Variants in C12orf42 observed in about 807,000 individuals in gnomAD.
C12orf42 encodes uncharacterized protein C12orf42.
C12orf42 carries 25 observed loss-of-function variants against 21.6 expected under a neutral mutation model. The observed-to-expected ratio is 1.16, with a 90% CI of 0.84 to 1.62. The LOEUF (loss-of-function observed/expected upper bound fraction) is 1.62. Ranked by LOEUF, C12orf42 falls within the 40% of genes most tolerant of loss-of-function variation. The pLI, the probability that C12orf42 is intolerant of heterozygous loss-of-function variation, is 0.00. For synonymous variants in C12orf42, 174 were observed against 175.0 expected (o/e 0.99, Z 0.05); for missense variants, 483 against 459.3 (o/e 1.05, Z -0.47).
At chr12:103,097,136 A>C in the C12orf42 span, among the ~76,000 whole-genome samples, 1 of 152,210 alleles carries the variant, frequency 6.6e-6, no homozygotes, top group African/African-American at 2.4e-5. Flanking sequence ...TTAATCTCAG[A>C]TATATATTGA....
chr12:103,095,593 G>A, the C12orf42 span, among the ~76,000 whole-genome samples: 1 of 152,106 alleles, frequency 6.6e-6, no homozygotes, highest in Non-Finnish European at 1.5e-5. Flanking sequence ...TCCCTACAAT[G>A]CATTGCCTTC....
intron 2 of C12orf42, among the ~76,000 whole-genome samples, chr12:103,403,130 C>T (rs1168743989): frequency 1.3e-5 from 2 of 152,112 alleles, no homozygotes; most frequent in African/African-American, 4.8e-5. Flanking sequence ...AATCCCAGCA[C>T]TTTGGGAGGC....
At chr12:103,181,872 G>T in the C12orf42 span, among the ~76,000 whole-genome samples, 3 of 152,166 alleles carry the variant, frequency 2.0e-5, no homozygotes, top group African/African-American at 7.2e-5. Context: ...TTAATAAAAT[G>T]CTAGGCTGAC....
In C12orf42 at chr12:103,345,706, C is replaced by T. The variant is rs889475168; in HGVS notation, c.259+23181G>A. 1.2e-4 allele frequency among the ~76,000 whole-genome samples: 19 copies of T among 152,082 alleles called. 1 individual carries two copies. In the South Asian group the frequency reaches 3.3e-3, roughly 27 times the overall value. On this transcript the variant is annotated intron_variant, in intron 4 of 5. Transcript: ENST00000548883. ...AGGAAAAATAAATAAATAAAAGCAA[C>T]CTAAATGTCCCACAAGGGATAAATG... is the stretch of plus-strand genomic sequence containing the variant.
At chr12:103,484,857 GTTTCA>G (rs1476639624) in intron 1 of C12orf42, among the ~76,000 whole-genome samples, 1 of 139,136 alleles carries the variant, frequency 7.2e-6, no homozygotes, top group Non-Finnish European at 1.5e-5. Context: ...AAGGGATCTG[GTTTCA>G]GTTTTTTTTT....
At chr12:103,368,443 A>T (rs1203424257) in intron 4 of C12orf42, among the ~76,000 whole-genome samples, 2 of 151,916 alleles carry the variant, frequency 1.3e-5, no homozygotes, top group South Asian at 4.1e-4. Context: ...TCTCCCAGCT[A>T]CCTAGATTCC....
At chr12:103,330,091 AAGTATAATT>A (rs1225103322) in intron 4 of C12orf42, among the ~76,000 whole-genome samples, 2 of 152,198 alleles carry the variant, frequency 1.3e-5, no homozygotes, top group Admixed American at 1.3e-4. Context: ...GTATTACATG[AAGTATAATT>A]AGCAAATAAC....
chr12:103,346,269 A>C (rs562262248), intron 4 of C12orf42, among the ~76,000 whole-genome samples: 1 of 152,352 alleles, frequency 6.6e-6, no homozygotes, highest in South Asian at 2.1e-4. Context: ...TACTGCTGTA[A>C]CTAGCAGGTT....
chr12:103,100,080 T>C, the C12orf42 span, among the ~76,000 whole-genome samples: 6 of 152,374 alleles, frequency 3.9e-5, no homozygotes, highest in East Asian at 1.2e-3. Flanking sequence ...CATGTAATTT[T>C]GGTTTTTGCT....
At chr12:103,188,462 T>A in the C12orf42 span, among the ~76,000 whole-genome samples, 1 of 152,162 alleles carries the variant, frequency 6.6e-6, no homozygotes, top group East Asian at 1.9e-4. Flanking sequence ...ATGTGAGGAT[T>A]GGAACCACAG....
At chr12:103,360,638 TC>T (rs1052747176) in intron 4 of C12orf42, among the ~76,000 whole-genome samples, 2 of 147,888 alleles carry the variant, frequency 1.4e-5, no homozygotes, top group African/African-American at 2.4e-5. Flanking sequence ...TTTTCTCTGT[TC>T]CTCCATTGTG....
chr12:103,125,238 A>C, the C12orf42 span, among the ~76,000 whole-genome samples: 1 of 152,126 alleles, frequency 6.6e-6, no homozygotes, highest in African/African-American at 2.4e-5. Context: ...TGAAAAAGGC[A>C]GCTTTTTAAA....
intron 1 of C12orf42, among the ~76,000 whole-genome samples, chr12:103,488,081 C>T (rs1018919473): frequency 6.6e-6 from 1 of 152,200 alleles, no homozygotes; most frequent in African/African-American, 2.4e-5. Context: ...CATGTTTTTG[C>T]AGTGGCTGGT....
chr12:103,249,524 A>G (rs2034179794), intron 10 of C12orf42, among the ~76,000 whole-genome samples: 1 of 152,024 alleles, frequency 6.6e-6, no homozygotes, highest in Non-Finnish European at 1.5e-5. Flanking sequence ...AAAGAGAGCA[A>G]AATCCTATTG....
intron 5 of C12orf42, chr12:103,270,090 C>A (rs2136254196): frequency 6.6e-6 from 1 of 152,176 alleles, no homozygotes; most frequent in East Asian, 1.9e-4. Flanking sequence ...TGGGAAGTCC[C>A]TAAAGAATTT....
At chr12:103,393,116 C>T (rs1340737460) in intron 3 of C12orf42, among the ~76,000 whole-genome samples, 2 of 102,096 alleles carry the variant, frequency 2.0e-5, no homozygotes, top group Non-Finnish European at 3.9e-5. Flanking sequence ...TGTGTTAGTC[C>T]ATTCTTGCAT....
chr12:103,186,848 A>T, the C12orf42 span, among the ~76,000 whole-genome samples: 2 of 152,152 alleles, frequency 1.3e-5, no homozygotes, highest in East Asian at 3.9e-4. Context: ...CCCCTAATAT[A>T]ACAGGAAAGG....
chr12:103,271,588 G>A (rs989285764), intron 5 of C12orf42, among the ~76,000 whole-genome samples: 1 of 152,050 alleles, frequency 6.6e-6, no homozygotes, highest in Non-Finnish European at 1.5e-5. Context: ...TTTTTATTAG[G>A]AGTAAATGAG....
the C12orf42 span, among the ~76,000 whole-genome samples, chr12:103,218,004 A>C: frequency 1.3e-5 from 2 of 152,138 alleles, no homozygotes; most frequent in African/African-American, 4.8e-5. Context: ...ATCCTCGGCC[A>C]GGCACGGTGG....
Sources: allele counts gnomAD v4.1 joint callset (sites outside exome capture counted in the v4.1 genomes callset), GRCh38; gene constraint gnomAD v4.1.1; transcripts MANE v1.5; gene names NCBI Gene and HGNC (gene_info 2026-07-23, HGNC 2026-07-21).